Variants in GADL1 observed in about 807,000 individuals in gnomAD.
The protein encoded by GADL1 is acidic amino acid decarboxylase GADL1.
In GADL1, 71 loss-of-function variants were observed where a neutral mutation model predicts 69.5. That is an observed-to-expected ratio of 1.02 (90% CI 0.84 to 1.25). The LOEUF (loss-of-function observed/expected upper bound fraction) is 1.25, where lower values mean the gene tolerates loss of function less well. Among genes scored for constraint, GADL1 ranks in the 50% most tolerant of loss-of-function variants. GADL1 has a pLI of 0.00. For missense variants in GADL1, 737 were observed against 631.8 expected (o/e 1.17, Z -1.79); for synonymous variants, 254 against 214.4 (o/e 1.18, Z -1.62).
At chr3:30,804,257 C>T (rs1446481807) in intron 11 of GADL1, among the ~76,000 whole-genome samples, 1 of 152,176 alleles carries the variant, frequency 6.6e-6, no homozygotes, top group Non-Finnish European at 1.5e-5. Context: ...TGGCCTCACT[C>T]CCTACATATG....
intron 13 of GADL1, among the ~76,000 whole-genome samples, chr3:30,781,055 G>T (rs1461420533): frequency 2.0e-5 from 3 of 152,014 alleles, no homozygotes; most frequent in African/African-American, 7.3e-5. Context: ...GACTTCTTGG[G>T]TGTCCTGAGA....
intron 4 of GADL1, among the ~76,000 whole-genome samples, chr3:30,852,204 T>C (rs1217687540): frequency 6.6e-6 from 1 of 152,168 alleles, no homozygotes; most frequent in Non-Finnish European, 1.5e-5. Context: ...TCTACAGATG[T>C]TATGCCATCT....
intron 12 of GADL1, among the ~76,000 whole-genome samples, chr3:30,792,006 C>G (rs1457887058): frequency 6.6e-6 from 1 of 152,102 alleles, no homozygotes; most frequent in Admixed American, 6.5e-5. Context: ...ACCTCTTTTT[C>G]TTTATAAATT....
At chr3:30,756,317 CTA>C (rs780162047) in intron 14 of GADL1, among the ~76,000 whole-genome samples, 2 of 151,956 alleles carry the variant, frequency 1.3e-5, no homozygotes, top group African/African-American at 2.4e-5. Flanking sequence ...AGGAAATTGA[CTA>C]TCTAGGATTC....
intron 14 of GADL1, among the ~76,000 whole-genome samples, chr3:30,748,609 G>A (rs1265205207): frequency 6.6e-6 from 1 of 152,154 alleles, no homozygotes; most frequent in Admixed American, 6.6e-5. Context: ...TGTGTAAGAG[G>A]CTTTAGCTAT....
rs188520393 is a variant in GADL1, at chr3:30,860,810, T to C, written c.210+783A>G. 4.4e-3 allele frequency among the ~76,000 whole-genome samples: 674 copies of C among 152,116 alleles called. 5 individuals carry two copies. Among genetic ancestry groups the C allele is most frequent in the African/African-American group, 0.015 (642 of 41,536 alleles). On this transcript the variant is annotated intron_variant, in intron 2 of 14. Transcript: ENST00000282538. Reference sequence around the variant, plus strand: ...ATAGTTAAGAGTGCAGATTGTGAAGTGATACTGCCTGGATTTTAGTCCCGG... The same window carrying C: ...ATAGTTAAGAGTGCAGATTGTGAAGCGATACTGCCTGGATTTTAGTCCCGG...
chr3:30,794,751 T>C (rs758325457), intron 12 of GADL1, among the ~76,000 whole-genome samples: 4 of 152,202 alleles, frequency 2.6e-5, no homozygotes, highest in Non-Finnish European at 5.9e-5. Context: ...ATCATTGTCC[T>C]CCTGAAAGTG....
rs1220067500 is a variant in GADL1, at chr3:30,727,006, T to G, written c.*1236A>C. Reference sequence around the variant, plus strand: ...TGTACAACCCTGGACTTCATTGTGTTTATTCCCTATGAGGCACAGAGCAAG... The same window carrying G: ...TGTACAACCCTGGACTTCATTGTGTGTATTCCCTATGAGGCACAGAGCAAG... On this transcript the variant is annotated 3_prime_UTR_variant, in exon 15 of 15. Transcript: ENST00000282538. 6.6e-6 allele frequency: 1 copy of G among 152,208 alleles called. No homozygotes were observed. Among genetic ancestry groups the G allele is most frequent in the Non-Finnish European group, 1.5e-5 (1 of 67,964 alleles). The allele number at this position is 152,208 out of a possible 1,614,324, so 9.4% of individuals were successfully genotyped here.
chr3:30,820,002 T>C (rs1226013808), intron 11 of GADL1, among the ~76,000 whole-genome samples: 1 of 151,960 alleles, frequency 6.6e-6, no homozygotes, highest in Admixed American at 6.6e-5. Flanking sequence ...ATGCCTGTTA[T>C]TGAAATTATT....
At chr3:30,772,215 G>A (rs1008118719) in intron 14 of GADL1, among the ~76,000 whole-genome samples, 2 of 152,190 alleles carry the variant, frequency 1.3e-5, no homozygotes, top group African/African-American at 4.8e-5. Context: ...TAAGGAGAAA[G>A]GAGCCTGTTA....
chr3:30,877,267 A>G (rs1421536557), intron 1 of GADL1, among the ~76,000 whole-genome samples: 2 of 151,904 alleles, frequency 1.3e-5, no homozygotes, highest in Admixed American at 6.6e-5. Context: ...TCTCACCAGA[A>G]AGATTGAACT....
intron 1 of GADL1, among the ~76,000 whole-genome samples, chr3:30,876,833 T>C (rs540750388): frequency 6.6e-6 from 1 of 152,082 alleles, no homozygotes; most frequent in South Asian, 2.1e-4. Context: ...TCTGTCTTCT[T>C]CATTAACACC....
At chr3:30,779,372 G>A (rs1351763760) in intron 13 of GADL1, among the ~76,000 whole-genome samples, 1 of 152,196 alleles carries the variant, frequency 6.6e-6, no homozygotes, top group East Asian at 1.9e-4. Flanking sequence ...CTCAATAACT[G>A]TCAGAATTAT....
chr3:30,742,437 G>C (rs1362350597), intron 14 of GADL1, among the ~76,000 whole-genome samples: 1 of 151,568 alleles, frequency 6.6e-6, no homozygotes, highest in African/African-American at 2.4e-5. Context: ...TCATTTTCTA[G>C]CTCCCAGTTT....
chr3:30,851,133 T>C (rs1179471675), intron 4 of GADL1, among the ~76,000 whole-genome samples, 192 bp from the exon 5 acceptor site: 2 of 152,166 alleles, frequency 1.3e-5, no homozygotes, highest in East Asian at 3.9e-4. Context: ...TAAATGCCAA[T>C]AGCTTGTGGC....
rs753914266 is a variant in GADL1, at chr3:30,844,165, GCACA to G, written c.786+41_786+44del. ...CTTTCATAAGCGCGCGGGCGTGCGC[GCACA>G]CACACACGTTCTCTCTCCCTCTCGC... is the stretch of plus-strand genomic sequence containing the variant. On this transcript the variant is annotated intron_variant, in intron 8 of 14. Transcript: ENST00000282538. 7 of 1,481,290 alleles carry G rather than the reference GCACA, an allele frequency of 4.7e-6. No individual in the cohort carries two copies. In the East Asian group the frequency reaches 1.1e-4, roughly 24 times the overall value. The allele number at this position is 1,481,290 out of a possible 1,614,324, so 91.8% of individuals were successfully genotyped here. A position where few individuals can be genotyped will look rare whatever the true frequency, so the allele number is the denominator to read the frequency against.
At chr3:30,742,540 C>A (rs928801305) in intron 14 of GADL1, among the ~76,000 whole-genome samples, 2 of 151,990 alleles carry the variant, frequency 1.3e-5, no homozygotes, top group Non-Finnish European at 2.9e-5. Context: ...TATAGATATA[C>A]AATCACACAA....
intron 11 of GADL1, among the ~76,000 whole-genome samples, chr3:30,808,574 T>G (rs1697298186): frequency 6.6e-6 from 1 of 152,110 alleles, no homozygotes; most frequent in African/African-American, 2.4e-5. Flanking sequence ...AAAGCGTCTG[T>G]GTAAATGGGT....
intron 14 of GADL1, among the ~76,000 whole-genome samples, chr3:30,774,448 G>A (rs2372215): frequency 0.22 from 34,016 of 152,022 alleles, 7,368 homozygotes; most frequent in African/African-American, 0.55. Flanking sequence ...CAGAGTATTC[G>A]CAAAAGTTCA....
Sources: allele counts gnomAD v4.1 joint callset (sites outside exome capture counted in the v4.1 genomes callset), GRCh38; gene constraint gnomAD v4.1.1; transcripts MANE v1.5; gene names NCBI Gene and HGNC (gene_info 2026-07-23, HGNC 2026-07-21).